The following GNAT3 variants were observed in gnomAD, a reference collection of about 807,000 sequenced individuals.
GNAT3 encodes the protein G protein subunit alpha transducin 3, also known as guanine nucleotide-binding protein G(t) subunit alpha-3.
In GNAT3, 31 loss-of-function variants were observed where a neutral mutation model predicts 37.7. The observed-to-expected ratio is 0.82, with a 90% CI of 0.62 to 1.11. The LOEUF (loss-of-function observed/expected upper bound fraction) is 1.11. GNAT3 is among the 50% of genes most tolerant of loss of function. The pLI, the probability that GNAT3 is intolerant of heterozygous loss-of-function variation, is 0.00. For missense variants in GNAT3, 437 were observed against 412.5 expected (o/e 1.06, Z -0.51); for synonymous variants, 138 against 139.8 (o/e 0.99, Z 0.09).
At chr7:80,464,920 G>A (rs1468613060) in intron 5 of GNAT3, among the ~76,000 whole-genome samples, 2 of 152,026 alleles carry the variant, frequency 1.3e-5, no homozygotes, top group Non-Finnish European at 2.9e-5. Context: ...ATAGTTAATA[G>A]TGTGGAAATT....
chr7:80,465,479 C>A, intron 5 of GNAT3, among the ~76,000 whole-genome samples: 1 of 152,084 alleles, frequency 6.6e-6, no homozygotes, highest in East Asian at 1.9e-4. Context: ...AAGCAAATTG[C>A]CTAAGAATTA....
intron 5 of GNAT3, among the ~76,000 whole-genome samples, chr7:80,463,130 G>C (rs768917308): frequency 6.6e-6 from 1 of 152,036 alleles, no homozygotes. Context: ...GAAAAGATAT[G>C]GTCCCTATCT....
chr7:80,509,910 C>A (rs1791031308), intron 1 of GNAT3, among the ~76,000 whole-genome samples: 1 of 152,028 alleles, frequency 6.6e-6, no homozygotes, highest in South Asian at 2.1e-4. Flanking sequence ...AGTAAAAATA[C>A]AGTGTAGAAT....
Position 80,501,569 on chromosome 7 carries a change from T to C in GNAT3, c.119-6922A>G, listed in dbSNP as rs532564983. ...AAAAATGTTTCCCATACCTTTTTTG[T>C]TTCTTGTATTCATGATCCAATCAAG... is the stretch of plus-strand genomic sequence containing the variant. On this transcript the variant is annotated intron_variant, in intron 1 of 7. Coordinates refer to ENST00000398291, the MANE Select transcript of GNAT3 (RefSeq NM_001102386.3). Among the ~76,000 whole-genome samples the C allele has an allele frequency of 7.2e-5, 11 of 152,134 alleles. No individual in the cohort carries two copies. In the East Asian group the frequency reaches 2.1e-3, roughly 29 times the overall value.
chr7:80,472,380 C>T (rs560267004), intron 5 of GNAT3, among the ~76,000 whole-genome samples: 1 of 152,210 alleles, frequency 6.6e-6, no homozygotes, highest in African/African-American at 2.4e-5. Context: ...GAGCATGCTG[C>T]AGGGTGTATA....
At chr7:80,499,090 T>G (rs1403040955) in intron 1 of GNAT3, among the ~76,000 whole-genome samples, 2 of 152,104 alleles carry the variant, frequency 1.3e-5, no homozygotes, top group Non-Finnish European at 2.9e-5. Context: ...TTTTTTTTTG[T>G]AGGTGGTCTT....
At chr7:80,475,788 T>C (rs998415410) in intron 4 of GNAT3, among the ~76,000 whole-genome samples, 1 of 152,176 alleles carries the variant, frequency 6.6e-6, no homozygotes, top group African/African-American at 2.4e-5. Flanking sequence ...AAATTAAGGT[T>C]GGACAAGTGT....
chr7:80,510,846 G>A (rs906883681), intron 1 of GNAT3, among the ~76,000 whole-genome samples: 1 of 152,092 alleles, frequency 6.6e-6, no homozygotes, highest in African/African-American at 2.4e-5. Context: ...TTAATATTAA[G>A]TATTTAAGTG....
intron 4 of GNAT3, among the ~76,000 whole-genome samples, chr7:80,477,244 T>A (rs1187857282): frequency 6.6e-6 from 1 of 152,166 alleles, no homozygotes; most frequent in East Asian, 1.9e-4. Context: ...CCCACTTTAA[T>A]CTATCTTTCT....
chr7:80,460,012 A>C (rs1790023024), intron 7 of GNAT3, among the ~76,000 whole-genome samples: 1 of 152,234 alleles, frequency 6.6e-6, no homozygotes. Context: ...ATGTCTACAC[A>C]GAAGCTTGCA....
At chr7:80,502,975 A>C (rs773128716) in intron 1 of GNAT3, among the ~76,000 whole-genome samples, 1 of 152,146 alleles carries the variant, frequency 6.6e-6, no homozygotes, top group African/African-American at 2.4e-5. Flanking sequence ...CAATAGTAAC[A>C]GTTTCCTAAT....
chr7:80,502,640 A>G (rs1584197347), intron 1 of GNAT3, among the ~76,000 whole-genome samples: 1 of 152,238 alleles, frequency 6.6e-6, no homozygotes, highest in East Asian at 1.9e-4. Context: ...TGTAGTTCTT[A>G]CTAGAGTTAT....
intron 1 of GNAT3, among the ~76,000 whole-genome samples, chr7:80,504,987 A>G (rs1420040997): frequency 6.6e-6 from 1 of 152,354 alleles, no homozygotes; most frequent in Admixed American, 6.5e-5. Context: ...AGGAGACTGA[A>G]AATGATACAC....
At chr7:80,462,418 T>A in intron 6 of GNAT3, 84 bp downstream of exon 6, 1 of 1,563,298 alleles carries the variant, frequency 6.4e-7, no homozygotes, top group Non-Finnish European at 8.8e-7. Flanking sequence ...TTGGCAAACC[T>A]TCATGAGTTG....
At chr7:80,494,796 T>G in intron 1 of GNAT3, 149 bp from the exon 2 acceptor site, 1 of 597,076 alleles carries the variant, frequency 1.7e-6, no homozygotes, top group South Asian at 2.2e-5. Context: ...AACTGCATAG[T>G]GGTGAAGTCT....
intron 3 of GNAT3, among the ~76,000 whole-genome samples, chr7:80,479,932 G>A (rs1466636426): frequency 6.6e-6 from 1 of 152,028 alleles, no homozygotes; most frequent in Admixed American, 6.6e-5. Context: ...GTAGGACAGA[G>A]GTGAGAGTTT....
chr7:80,460,080 G>A (rs1439471341), intron 7 of GNAT3, among the ~76,000 whole-genome samples: 1 of 152,164 alleles, frequency 6.6e-6, no homozygotes, highest in East Asian at 1.9e-4. Context: ...GAACCAAGAT[G>A]TCCTTCTGTA....
intron 4 of GNAT3, among the ~76,000 whole-genome samples, chr7:80,477,290 T>C (rs1271698135): frequency 6.6e-6 from 1 of 152,168 alleles, no homozygotes. Context: ...CTAAGCAAGA[T>C]TTTATGGAAA....
chr7:80,481,276 A>G (rs1049782165), intron 3 of GNAT3, among the ~76,000 whole-genome samples: 1 of 152,186 alleles, frequency 6.6e-6, no homozygotes. Flanking sequence ...AAGTCCCCCA[A>G]GCAACAGAAT....
Sources: gnomAD v4.1 joint callset for allele counts (sites outside exome capture counted in the v4.1 genomes callset) on GRCh38, gnomAD v4.1.1 for gene constraint, MANE v1.5 for transcripts, NCBI Gene and HGNC (gene_info 2026-07-23, HGNC 2026-07-21) for gene names.